Variants in XPO7 observed in about 807,000 individuals in gnomAD.
The protein encoded by XPO7 is exportin-7.
XPO7 carries 21 observed loss-of-function variants against 144.3 expected under a neutral mutation model. The observed-to-expected ratio is 0.15, with a 90% CI of 0.10 to 0.21. XPO7 has a LOEUF of 0.21. XPO7 is among the 10% of genes least tolerant of loss of function. The pLI is 1.00. For missense variants in XPO7, 808 were observed against 1,325.8 expected, an observed-to-expected ratio of 0.61 and a Z score of 6.06; for synonymous variants, 580 against 499.6, an observed-to-expected ratio of 1.16 and a Z score of -2.15.
intron 1 of XPO7, among the ~76,000 whole-genome samples, chr8:21,959,970 A>C (rs1585442258): frequency 6.6e-6 from 1 of 152,334 alleles, no homozygotes; most frequent in East Asian, 1.9e-4. Flanking sequence ...AAGCAGTAGT[A>C]CCCAAAGTTC....
intron 1 of XPO7, among the ~76,000 whole-genome samples, chr8:21,957,361 CCTT>C (rs1387129101): frequency 6.6e-6 from 1 of 152,080 alleles, no homozygotes; most frequent in Non-Finnish European, 1.5e-5. Flanking sequence ...CCCTGTTTCT[CCTT>C]CTTTGGGCCA....
intron 25 of XPO7, among the ~76,000 whole-genome samples, chr8:22,002,825 A>T (rs111645530): frequency 1.3e-5 from 2 of 152,232 alleles, no homozygotes; most frequent in Admixed American, 1.3e-4. Context: ...TCTCTAAAGA[A>T]GCAGTGAAAT....
chr8:21,990,907 A>G lies in XPO7; in HGVS notation c.2029A>G (p.Met677Val), dbSNP rs765748020. ...CTACACAGCACTTGGGCGTCTCCTC[A>G]TGGTGGATTTAGGTACCGTAAGAAA... The part of the protein sequence containing the change: ...TFYTALGRLL[M>V]VDLGEDEDQY... The change falls in exon 18 of 28, where the codon ATG (methionine) becomes GTG (valine). Residue 677 changes from methionine (M) to valine (V), a missense_variant. By Grantham distance (21) the Met-to-Val change is conservative. This residue lies in a region of XPO7 where 416 missense variants were observed against 612.5 expected (regional missense o/e 0.68). Coordinates refer to ENST00000252512, the MANE Select transcript of XPO7 (RefSeq NM_015024.5). 1 of 1,613,904 alleles carries G rather than the reference A, an allele frequency of 6.2e-7. No individual in the cohort carries two copies. Among genetic ancestry groups the G allele is most frequent in the Admixed American group, 1.7e-5 (1 of 60,022 alleles).
rs1812912405 is a variant in XPO7, at chr8:21,995,379, G to A, written c.2238-113G>A. On this transcript the variant is annotated intron_variant, in intron 20 of 27. Transcript: ENST00000252512. The stretch of plus-strand genomic sequence containing the variant: ...CTCCAAGATTAGCAAGCAAGAGACA[G>A]GAACTTAAAGAACTGTAGTTTGACA... 4 of 793,374 alleles carry A rather than the reference G, an allele frequency of 5.0e-6. No individual in the cohort carries two copies. In the South Asian group the frequency reaches 7.3e-5, roughly 14 times the overall value. The allele number at this position is 793,374 out of a possible 1,614,324, so 49.1% of individuals were successfully genotyped here. A position where few individuals can be genotyped will look rare whatever the true frequency, so the allele number is the denominator to read the frequency against.
chr8:21,970,334 A>G lies in XPO7; in HGVS notation c.426+24A>G, dbSNP rs142191400. Reference sequence around the variant, plus strand: ...AGGTACAGTGTATATATTTGATGTAATGGGAATGGGAGAACCAGCATATAC... The same window carrying G: ...AGGTACAGTGTATATATTTGATGTAGTGGGAATGGGAGAACCAGCATATAC... On this transcript the variant is annotated intron_variant, in intron 4 of 27. Transcript: ENST00000252512. The G allele has an allele frequency of 1.0e-5, 16 of 1,602,726 alleles. No homozygotes were observed. The East Asian group carries it at 3.4e-4, about 34-fold the overall frequency.
At chr8:21,995,235 A>T (rs1812907694) in intron 20 of XPO7, among the ~76,000 whole-genome samples, 2 of 152,188 alleles carry the variant, frequency 1.3e-5, no homozygotes, top group South Asian at 4.1e-4. Context: ...GACAAATAAC[A>T]GTATGAAATA....
rs76752860 is a variant in XPO7, at chr8:21,991,009, C to G, written c.2041+90C>G. On this transcript the variant is annotated intron_variant, in intron 18 of 27. Coordinates refer to ENST00000252512, the MANE Select transcript of XPO7 (RefSeq NM_015024.5). ...ACTGAAAACTAGATGTTGGGGAGGC[C>G]TTTTCTGTTTTTTCAACAGTAACAA... is the stretch of plus-strand genomic sequence containing the variant. 5.3e-3 allele frequency: 6,361 copies of G among 1,203,624 alleles called. 272 individuals carry two copies. The African/African-American group carries it at 0.086, about 16-fold the overall frequency. The allele number at this position is 1,203,624 out of a possible 1,614,324, so 74.6% of individuals were successfully genotyped here.
Position 21,981,792 on chromosome 8 carries a change from A to G in XPO7, c.1019A>G (p.Asn340Ser). 1 of 1,614,002 alleles carries G rather than the reference A, an allele frequency of 6.2e-7. No individual in the cohort carries two copies. The highest frequency in any genetic ancestry group is 8.5e-7 in the Non-Finnish European group (1 of 1,179,882). ...AGACTACTGGCCCGATTGAAGAGTA[A>G]CTATCAACTGGGAGAATTGGTAAAG... ...FCRLLARLKSNYQLGELVKVE... is the reference protein window; with the variant it reads ...FCRLLARLKSSYQLGELVKVE... Residue 340 changes from asparagine to serine, a missense_variant, in exon 10 of 28, where the codon AAC becomes AGC. Coordinates refer to ENST00000252512, the MANE Select transcript of XPO7 (RefSeq NM_015024.5).
intron 12 of XPO7, 127 bp downstream of exon 12, chr8:21,984,966 G>T (rs1027277664): frequency 1.3e-4 from 132 of 988,328 alleles, no homozygotes; most frequent in Non-Finnish European, 1.8e-4. Context: ...GTCTCCATAT[G>T]CACAAGAATC....
chr8:21,920,793 T>C (rs1810255540), intron 1 of XPO7, among the ~76,000 whole-genome samples: 1 of 152,174 alleles, frequency 6.6e-6, no homozygotes, highest in African/African-American at 2.4e-5. Context: ...GGTAACCAAG[T>C]GCACAGGTTT....
intron 1 of XPO7, among the ~76,000 whole-genome samples, chr8:21,930,461 G>C (rs1464620129): frequency 1.3e-5 from 2 of 152,188 alleles, no homozygotes; most frequent in East Asian, 3.9e-4. Flanking sequence ...GTAAGGGTCA[G>C]TCCTCCCTTG....
At chr8:21,969,381 T>C in intron 2 of XPO7, 102 bp from the exon 3 acceptor site, 3 of 993,074 alleles carry the variant, frequency 3.0e-6, no homozygotes, top group Admixed American at 2.4e-5. Context: ...CTGCCAAAAC[T>C]GATTGCCTTT....
intron 1 of XPO7, among the ~76,000 whole-genome samples, chr8:21,944,652 GGA>G (rs1247605926): frequency 6.6e-6 from 1 of 151,890 alleles, no homozygotes; most frequent in Non-Finnish European, 1.5e-5. Flanking sequence ...GATGTTTCTC[GGA>G]GAGGGGGATT....
At chr8:21,942,684 G>A (rs922957695) in intron 1 of XPO7, among the ~76,000 whole-genome samples, 24 of 152,172 alleles carry the variant, frequency 1.6e-4, no homozygotes, top group African/African-American at 5.1e-4. Context: ...GTTTTGTAAA[G>A]GTTAATTGCA....
chr8:21,969,895 A>G, intron 3 of XPO7: 1 of 550,942 alleles, frequency 1.8e-6, no homozygotes, highest in Non-Finnish European at 3.1e-6. Flanking sequence ...TTAGCTACCT[A>G]GGGATAGAGT....
At chr8:21,950,445 C>A (rs1811333233) in intron 1 of XPO7, among the ~76,000 whole-genome samples, 1 of 152,084 alleles carries the variant, frequency 6.6e-6, no homozygotes, top group South Asian at 2.1e-4. Flanking sequence ...ATTATTCTCC[C>A]CATCAAATGA....
chr8:21,977,142 CA>C lies in XPO7; in HGVS notation c.763+623del, dbSNP rs1812249696. On this transcript the variant is annotated intron_variant, in intron 7 of 27. Coordinates refer to ENST00000252512, the MANE Select transcript of XPO7 (RefSeq NM_015024.5). ...CTATCTTTAAAAACAAAATCAAACACAACAACTTGTTCTTATGTTTGCCTTT... is the reference window on the plus strand; with the variant it reads ...CTATCTTTAAAAACAAAATCAAACACACAACTTGTTCTTATGTTTGCCTTT... 3.3e-5 allele frequency among the ~76,000 whole-genome samples: 5 copies of C among 152,310 alleles called. No individual in the cohort carries two copies. The South Asian group carries it at 8.3e-4, about 25-fold the overall frequency.
intron 1 of XPO7, among the ~76,000 whole-genome samples, chr8:21,963,895 T>A (rs1299993396): frequency 6.6e-6 from 1 of 152,212 alleles, no homozygotes; most frequent in African/African-American, 2.4e-5. Flanking sequence ...TCTCGCCTTA[T>A]GTTGAAATAA....
chr8:21,948,949 C>T (rs968523275), intron 1 of XPO7, among the ~76,000 whole-genome samples: 1 of 152,194 alleles, frequency 6.6e-6, no homozygotes, highest in Non-Finnish European at 1.5e-5. Context: ...ATAGACTCAT[C>T]CATAGTTACT....
Sources: allele counts gnomAD v4.1 joint callset (sites outside exome capture counted in the v4.1 genomes callset), GRCh38; gene constraint gnomAD v4.1.1; regional missense constraint gnomAD v4.1.1; transcripts MANE v1.5; gene names NCBI Gene and HGNC (gene_info 2026-07-23, HGNC 2026-07-21).